TNR: variants seen among roughly 807,000 people sequenced by gnomAD.
TNR encodes tenascin-R.
Under a neutral mutation model 150.4 loss-of-function variants are expected in TNR, and 45 were observed. The observed-to-expected ratio is 0.30, with a 90% CI of 0.24 to 0.38. TNR has a LOEUF of 0.38. Ranked by LOEUF, TNR falls within the 10% of genes least tolerant of loss-of-function variation. The pLI, the probability that TNR is intolerant of heterozygous loss-of-function variation, is 1.00. For synonymous variants in TNR, 687 were observed against 678.4 expected (o/e 1.01, Z -0.20); for missense variants, 1,544 against 1,759.1 (o/e 0.88, Z 2.19).
chr1:175,637,362 C>T (rs1664516781), intron 1 of TNR, among the ~76,000 whole-genome samples: 1 of 152,154 alleles, frequency 6.6e-6, no homozygotes, highest in African/African-American at 2.4e-5. Flanking sequence ...ATAATTAAAA[C>T]TTAAAGAGAA....
At chr1:175,400,124 G>A (rs572714334) in intron 4 of TNR, among the ~76,000 whole-genome samples, 4 of 152,266 alleles carry the variant, frequency 2.6e-5, no homozygotes, top group Non-Finnish European at 5.9e-5. Flanking sequence ...ACTGGGGACA[G>A]ATGTGGACAA....
At chr1:175,586,466 A>G (rs1461199998) in intron 1 of TNR, among the ~76,000 whole-genome samples, 1 of 151,986 alleles carries the variant, frequency 6.6e-6, no homozygotes, top group Non-Finnish European at 1.5e-5. Flanking sequence ...ATGGCCGGCT[A>G]ATTTTTGTGT....
chr1:175,424,058 A>C (rs1654866807), intron 2 of TNR, among the ~76,000 whole-genome samples: 1 of 152,238 alleles, frequency 6.6e-6, no homozygotes, highest in African/African-American at 2.4e-5. Flanking sequence ...AATAACTAGA[A>C]CATACAGAAA....
intron 1 of TNR, among the ~76,000 whole-genome samples, chr1:175,717,982 G>T (rs1667198389): frequency 2.0e-5 from 3 of 152,194 alleles, no homozygotes; most frequent in African/African-American, 7.2e-5. Context: ...TGGAGATTGT[G>T]GTCTGCAGCT....
At chr1:175,366,531 C>A (rs1332678146) in intron 10 of TNR, among the ~76,000 whole-genome samples, 2 of 152,246 alleles carry the variant, frequency 1.3e-5, no homozygotes, top group Non-Finnish European at 2.9e-5. Context: ...CACCCTCCAA[C>A]CCTGAGGCTA....
In TNR at chr1:175,379,581, A is replaced by G; in HGVS notation, c.1934T>C (p.Ile645Thr). Reference protein sequence around the residue: ...QYHEVLVPRGIGPTTRATLTD... With the variant: ...QYHEVLVPRGTGPTTRATLTD... ...CAGGGTGGCCCTGGTGGTTGGACCAATGCCCCTGGGGACCAGTACCTCATG... is the reference window on the plus strand; with the variant it reads ...CAGGGTGGCCCTGGTGGTTGGACCAGTGCCCCTGGGGACCAGTACCTCATG... The change falls in exon 9 of 23, where the codon ATT becomes ACT. Residue 645 changes from isoleucine to threonine, a missense_variant. Physicochemically the swap from Ile to Thr is moderately conservative, Grantham distance 89. This residue lies in a region of TNR where 1,254 missense variants were observed against 1,329.4 expected (regional missense o/e 0.94). Coordinates refer to ENST00000367674, the MANE Select transcript of TNR (RefSeq NM_003285.3). 6.2e-7 allele frequency: 1 copy of G among 1,613,800 alleles called. No homozygotes were observed. Among genetic ancestry groups the G allele is most frequent in the Non-Finnish European group, 8.5e-7 (1 of 1,180,018 alleles).
intron 1 of TNR, among the ~76,000 whole-genome samples, chr1:175,646,469 C>T (rs562173210): frequency 2.6e-5 from 4 of 152,190 alleles, no homozygotes; most frequent in Middle Eastern, 3.2e-3. Flanking sequence ...TCCAGCTTTA[C>T]CATTAGAGAC....
intron 12 of TNR, among the ~76,000 whole-genome samples, chr1:175,364,327 C>CT (rs71129505): frequency 0.26 from 37,341 of 142,416 alleles, 4,964 homozygotes; most frequent in Admixed American, 0.35. Flanking sequence ...ATGCTATGGG[C>CT]TTTTTTTTTT....
chr1:175,620,375 G>A (rs1663928973), intron 1 of TNR, among the ~76,000 whole-genome samples: 2 of 152,162 alleles, frequency 1.3e-5, no homozygotes, highest in Admixed American at 1.3e-4. Context: ...CTGGGTAGAC[G>A]AAACATAACA....
intron 1 of TNR, among the ~76,000 whole-genome samples, chr1:175,613,791 G>A (rs138578179): frequency 1.4e-4 from 22 of 152,264 alleles, no homozygotes; most frequent in African/African-American, 5.3e-4. Flanking sequence ...TTGGCCTCCT[G>A]CATATCCAGT....
intron 14 of TNR, among the ~76,000 whole-genome samples, chr1:175,361,570 C>T (rs1651589160): frequency 1.3e-5 from 2 of 152,170 alleles, no homozygotes; most frequent in Non-Finnish European, 2.9e-5. Flanking sequence ...TATTTCTTGG[C>T]CCATTGCCTT....
chr1:175,705,794 T>C (rs1666830619), intron 1 of TNR, among the ~76,000 whole-genome samples: 2 of 152,198 alleles, frequency 1.3e-5, no homozygotes, highest in South Asian at 4.1e-4. Context: ...GACAACAACA[T>C]TGCCCCAAGA....
Position 175,599,059 on chromosome 1 carries a change from C to T in TNR, c.-164-70690G>A, listed in dbSNP as rs557585425. On this transcript the variant is annotated intron_variant, in intron 1 of 22. Transcript: ENST00000367674. The surrounding 1 kb of genome is among the most constrained non-coding windows in gnomAD (Gnocchi z 4.7). ...TTCCCCAAGGTCACACGTTCAGTGA[C>T]GGAGAGGCAGGGTGGAGCTGCGGTC... Among the ~76,000 whole-genome samples the T allele has an allele frequency of 5.9e-5, 9 of 152,344 alleles. No homozygotes were observed. In the East Asian group the frequency reaches 1.3e-3, roughly 23 times the overall value.
intron 1 of TNR, among the ~76,000 whole-genome samples, chr1:175,653,822 A>G (rs891640242): frequency 6.6e-6 from 1 of 152,204 alleles, no homozygotes; most frequent in Non-Finnish European, 1.5e-5. Context: ...CATTAAATTG[A>G]TGCTATTAAC....
intron 1 of TNR, among the ~76,000 whole-genome samples, chr1:175,544,785 T>G (rs1206556738): frequency 4.6e-5 from 7 of 152,184 alleles, no homozygotes; most frequent in Non-Finnish European, 1.0e-4. Flanking sequence ...TATTATTTTT[T>G]CCCTATCATT....
chr1:175,487,993 G>C (rs1027434556), intron 2 of TNR, among the ~76,000 whole-genome samples: 1 of 152,148 alleles, frequency 6.6e-6, no homozygotes, highest in African/African-American at 2.4e-5. Flanking sequence ...CCTTGGGTGA[G>C]AGCATTGAGC....
At chr1:175,324,984 GAACT>G (rs972101896) in intron 21 of TNR, among the ~76,000 whole-genome samples, 1 of 152,144 alleles carries the variant, frequency 6.6e-6, no homozygotes, top group Non-Finnish European at 1.5e-5. Flanking sequence ...ACTGCATTCT[GAACT>G]TGAGGCCACA....
intron 1 of TNR, among the ~76,000 whole-genome samples, chr1:175,662,357 G>A (rs145071824): frequency 8.6e-5 from 13 of 151,914 alleles, no homozygotes; most frequent in East Asian, 1.9e-4. Flanking sequence ...CACAAAGCCC[G>A]GTGGACTCAT....
At chr1:175,374,554 G>A (rs1652283362) in intron 9 of TNR, among the ~76,000 whole-genome samples, 1 of 152,194 alleles carries the variant, frequency 6.6e-6, no homozygotes, top group Non-Finnish European at 1.5e-5. Context: ...GTACATGTGT[G>A]CATGTGGTGA....
Sources: allele counts gnomAD v4.1 joint callset (sites outside exome capture counted in the v4.1 genomes callset), GRCh38; gene constraint gnomAD v4.1.1; regional missense constraint gnomAD v4.1.1; non-coding constraint Gnocchi (gnomAD v3.1); transcripts MANE v1.5; gene names NCBI Gene and HGNC (gene_info 2026-07-23, HGNC 2026-07-21).